Variants in KPNA1 observed in about 807,000 individuals in gnomAD.
KPNA1 encodes karyopherin subunit alpha 1.
KPNA1 carries 10 observed loss-of-function variants against 70.5 expected under a neutral mutation model. That is an observed-to-expected ratio of 0.14 (90% CI 0.09 to 0.24). The LOEUF (loss-of-function observed/expected upper bound fraction) is 0.24. KPNA1 is among the 10% of genes least tolerant of loss of function. KPNA1 has a pLI of 1.00. For missense variants in KPNA1, 397 were observed against 637.9 expected, an observed-to-expected ratio of 0.62 and a Z score of 4.07; for synonymous variants, 192 against 221.9, an observed-to-expected ratio of 0.87 and a Z score of 1.20.
At chr3:122,506,444 A>T (rs1267278565) in intron 1 of KPNA1, among the ~76,000 whole-genome samples, 2 of 152,238 alleles carry the variant, frequency 1.3e-5, no homozygotes, top group Non-Finnish European at 2.9e-5. Context: ...AAACGATAGT[A>T]GGTCCGTTTA....
chr3:122,476,861 C>CAAAAAAAAAAAAAA (rs144118691), intron 2 of KPNA1, among the ~76,000 whole-genome samples: 707 of 65,440 alleles, frequency 0.011, 48 homozygotes, highest in Non-Finnish European at 0.015. Context: ...GGAGGTTCCA[C>CAAAAAAAAAAAAAA]AAAAAAAAAA....
chr3:122,469,034 A>G (rs1222247206), intron 2 of KPNA1, among the ~76,000 whole-genome samples: 1 of 152,232 alleles, frequency 6.6e-6, no homozygotes, highest in African/African-American at 2.4e-5. Context: ...ATTTGACACA[A>G]TAATGACTGA....
At chr3:122,511,478 T>C (rs1254457205) in intron 1 of KPNA1, among the ~76,000 whole-genome samples, 1 of 152,218 alleles carries the variant, frequency 6.6e-6, no homozygotes, top group Non-Finnish European at 1.5e-5. Flanking sequence ...TTTTTTCATG[T>C]TGTTTTGTAG....
intron 2 of KPNA1, 48 bp from the exon 3 acceptor site, chr3:122,467,477 AGGG>A: frequency 5.0e-6 from 6 of 1,201,804 alleles, no homozygotes; most frequent in Non-Finnish European, 7.3e-6. Flanking sequence ...TTCTAACACA[AGGG>A]AGTTCAACAT....
chr3:122,496,319 A>AACACACACACACACACACACACACAC (rs9289194), intron 2 of KPNA1, 118 bp downstream of exon 2: 5 of 440,384 alleles, frequency 1.1e-5, no homozygotes, highest in Admixed American at 1.1e-4. Context: ...AGAAGGGGAA[A>AACACACACACACACACACACACACAC]ACACACACAC....
At chr3:122,509,430 A>G (rs1453568592) in intron 1 of KPNA1, among the ~76,000 whole-genome samples, 1 of 152,322 alleles carries the variant, frequency 6.6e-6, no homozygotes, top group East Asian at 1.9e-4. Flanking sequence ...GAGTATATAT[A>G]ACACAGGGTA....
chr3:122,477,072 A>G (rs1344062666), intron 2 of KPNA1, among the ~76,000 whole-genome samples: 1 of 152,126 alleles, frequency 6.6e-6, no homozygotes, highest in Non-Finnish European at 1.5e-5. Flanking sequence ...TGTGGTCTAT[A>G]TATACAACAG....
intron 2 of KPNA1, among the ~76,000 whole-genome samples, chr3:122,494,810 A>G (rs1186966638): frequency 6.6e-6 from 1 of 152,222 alleles, no homozygotes; most frequent in Non-Finnish European, 1.5e-5. Context: ...TGTTAATCAA[A>G]GAGTGCCACT....
intron 9 of KPNA1, among the ~76,000 whole-genome samples, chr3:122,444,572 G>A (rs371809802): frequency 9.2e-5 from 14 of 152,166 alleles, no homozygotes; most frequent in African/African-American, 2.7e-4. Flanking sequence ...GGCTTCAGCC[G>A]GTCCTTCCAT....
chr3:122,497,645 T>G (rs2076779457), intron 1 of KPNA1, among the ~76,000 whole-genome samples: 1 of 152,200 alleles, frequency 6.6e-6, no homozygotes, highest in Admixed American at 6.5e-5. Flanking sequence ...CATTGTGGTT[T>G]TGGTTTGCAA....
intron 2 of KPNA1, among the ~76,000 whole-genome samples, chr3:122,485,842 T>C (rs542975425): frequency 1.3e-5 from 2 of 152,290 alleles, no homozygotes; most frequent in African/African-American, 4.8e-5. Context: ...ATAATTATTA[T>C]TTGCCAATTA....
chr3:122,459,476 C>T (rs1172686316), intron 5 of KPNA1: 6 of 985,228 alleles, frequency 6.1e-6, no homozygotes, highest in Non-Finnish European at 6.0e-6. Context: ...TGATAAACTG[C>T]AGTAAGGTTC....
At chr3:122,505,081 A>C (rs915520801) in intron 1 of KPNA1, among the ~76,000 whole-genome samples, 70 of 152,148 alleles carry the variant, frequency 4.6e-4, no homozygotes, top group Admixed American at 7.8e-4. Context: ...GGGCGGGCAG[A>C]TCACTTGAGG....
chr3:122,451,400 G>T, intron 8 of KPNA1, 134 bp downstream of exon 8: 1 of 561,934 alleles, frequency 1.8e-6, no homozygotes. Flanking sequence ...CAACAACCCT[G>T]TTTCTCCAAA....
chr3:122,495,262 C>CAAAAAAAAAAAAAAAA lies in KPNA1; in HGVS notation c.129+1174_129+1175insTTTTTTTTTTTTTTTT, dbSNP rs748751423. On this transcript the variant is annotated intron_variant, in intron 2 of 13. Coordinates refer to ENST00000344337, the MANE Select transcript of KPNA1 (RefSeq NM_002264.4). ...GAGCGAGACTCTGCCTCAAACAAAC[C>CAAAAAAAAAAAAAAAA]AAAAAAAAAAAAAGAAAAGGAAATT... 1.1e-3 allele frequency among the ~76,000 whole-genome samples: 96 copies of CAAAAAAAAAAAAAAAA among 86,306 alleles called. 1 individual carries two copies. The highest frequency in any genetic ancestry group is 2.7e-3 in the African/African-American group (64 of 23,366). The allele number at this position is 86,306 out of a possible 152,430, so 56.6% of individuals were successfully genotyped here. A position where few individuals can be genotyped will look rare whatever the true frequency, so the allele number is the denominator to read the frequency against.
At chr3:122,449,378 G>A (rs1576296680) in intron 9 of KPNA1, among the ~76,000 whole-genome samples, 196 bp downstream of exon 9, 1 of 152,092 alleles carries the variant, frequency 6.6e-6, no homozygotes, top group East Asian at 1.9e-4. Context: ...AACAGCAGAG[G>A]ACTAAGAGGT....
rs1362727853 is a variant in KPNA1 at position 122,449,837 on chromosome 3, T to C, written c.754-100A>G. ...AACCAGGCATGTACTTGGTGACTTC[T>C]AGGGTGATTTACACTTCTAAAGATG... On this transcript the variant is annotated intron_variant, in intron 8 of 13. Transcript: ENST00000344337. 3.4e-6 allele frequency: 3 copies of C among 884,004 alleles called. No individual in the cohort carries two copies. In the African/African-American group the frequency reaches 5.2e-5, roughly 15 times the overall value. The allele number at this position is 884,004 out of a possible 1,614,324, so 54.8% of individuals were successfully genotyped here.
intron 11 of KPNA1, 26 bp from the exon 12 acceptor site, chr3:122,433,814 G>A: frequency 3.3e-6 from 5 of 1,536,038 alleles, no homozygotes; most frequent in Non-Finnish European, 4.4e-6. Flanking sequence ...AACTTAAATG[G>A]AAAAAACTGT....
At position 122,427,640 on chromosome 3, in the gene KPNA1, C is replaced by T; in HGVS notation, c.1327G>A (p.Ala443Thr). The change falls in exon 13 of 14, where the codon GCC becomes ACC. Residue 443 changes from alanine (A) to threonine (T), a missense_variant. Physicochemically the swap from Ala to Thr is moderately conservative, Grantham distance 58. Transcript: ENST00000344337. ...AGGATATTTTCCAAGCCATTTAGGG[C>T]AACCTGTACAATCTTAGAGTCCATG... is the stretch of plus-strand genomic sequence containing the variant. ...TVMDSKIVQV[A>T]LNGLENILRL... 6.2e-7 allele frequency: 1 copy of T among 1,614,134 alleles called. No homozygotes were observed. Among genetic ancestry groups the T allele is most frequent in the Non-Finnish European group, 8.5e-7 (1 of 1,179,976 alleles).
Sources: gnomAD v4.1 joint callset for allele counts (sites outside exome capture counted in the v4.1 genomes callset) on GRCh38, gnomAD v4.1.1 for gene constraint, MANE v1.5 for transcripts, NCBI Gene and HGNC (gene_info 2026-07-23, HGNC 2026-07-21) for gene names.